Variants in ENTPD6 observed in about 807,000 individuals in gnomAD.
The protein encoded by ENTPD6 is CD39 antigen-like 2.
Under a neutral mutation model 61.5 loss-of-function variants are expected in ENTPD6, and 46 were observed. That is an observed-to-expected ratio of 0.75 (90% CI 0.59 to 0.96). The LOEUF is 0.96. ENTPD6 is among the 40% of genes least tolerant of loss of function. The pLI, the probability that ENTPD6 is intolerant of heterozygous loss-of-function variation, is 0.00. For synonymous variants in ENTPD6, 252 were observed against 255.5 expected, an observed-to-expected ratio of 0.99 and a Z score of 0.13; for missense variants, 612 against 629.0, an observed-to-expected ratio of 0.97 and a Z score of 0.29.
chr20:25,225,712 G>T lies in ENTPD6; in HGVS notation c.*115G>T. On this transcript the variant is annotated 3_prime_UTR_variant, in exon 15 of 15. Transcript: ENST00000376652. ...AGCACAGGCCGTGCTGGCACTTTCT[G>T]CACACTGGCTCTGGGACTTGCAGAA... 1 of 827,864 alleles carries T rather than the reference G, an allele frequency of 1.2e-6. No individual in the cohort carries two copies. The allele number at this position is 827,864 out of a possible 1,614,324, so 51.3% of individuals were successfully genotyped here.
chr20:25,221,001 C>G (rs1055975813), intron 10 of ENTPD6, among the ~76,000 whole-genome samples: 1 of 152,228 alleles, frequency 6.6e-6, no homozygotes, highest in African/African-American at 2.4e-5. Context: ...GTGCCTGGCA[C>G]CCGGCGTGCC....
At chr20:25,220,271 G>T (rs369165066) in intron 10 of ENTPD6, among the ~76,000 whole-genome samples, 1 of 152,222 alleles carries the variant, frequency 6.6e-6, no homozygotes, top group Non-Finnish European at 1.5e-5. Context: ...CAGCACCTCC[G>T]CTGGGGTCCT....
In ENTPD6 at chr20:25,224,073, T is replaced by C. The variant is rs1033740401; in HGVS notation, c.1187-28T>C. The C allele has an allele frequency of 3.1e-6, 5 of 1,607,304 alleles. No individual in the cohort carries two copies. The African/African-American group carries it at 6.7e-5, about 22-fold the overall frequency. On this transcript the variant is annotated intron_variant, in intron 12 of 14. Transcript: ENST00000376652. ...GGCATCGCCAACCTCACAGTGCTCC[T>C]GCAGACTGGGTGTTGTGTCTCCCAC...
chr20:25,196,642 C>T (rs1206722761), intron 1 of ENTPD6, among the ~76,000 whole-genome samples: 1 of 152,184 alleles, frequency 6.6e-6, no homozygotes, highest in Non-Finnish European at 1.5e-5. Flanking sequence ...GCCACACATC[C>T]CACGTCACAC....
chr20:25,220,079 G>C (rs1314157026), intron 10 of ENTPD6, among the ~76,000 whole-genome samples: 1 of 152,196 alleles, frequency 6.6e-6, no homozygotes, highest in Non-Finnish European at 1.5e-5. Flanking sequence ...AAGGTCTCAT[G>C]GTCTCCTCGT....
rs772949313 is a variant in ENTPD6, at chr20:25,215,678, G to A, written c.676G>A (p.Val226Ile). The A allele has an allele frequency of 2.1e-5, 34 of 1,614,064 alleles. No individual in the cohort carries two copies. The highest frequency in any genetic ancestry group is 1.2e-4 in the Admixed American group (7 of 60,012). The change falls in exon 7 of 15, where the codon GTT (valine) becomes ATT (isoleucine). Residue 226 changes from valine (V) to isoleucine (I), a missense_variant and splice_region_variant. By Grantham distance (29) the Val-to-Ile change is conservative. Coordinates refer to ENST00000376652, the MANE Select transcript of ENTPD6 (RefSeq NM_001247.5). The stretch of plus-strand genomic sequence containing the variant: ...ATGCCTGTGACACTCTCTTGCAGGC[G>A]TTTCGGCGTGGATCACCATCAACTT... ...VSIMNGTDEG[V>I]SAWITINFLT... is the part of the protein sequence containing the mutation.
Position 25,217,483 on chromosome 20 carries a change from T to TA in ENTPD6, c.799-18dup, listed in dbSNP as rs747190014. On this transcript the variant is annotated intron_variant, in intron 8 of 14. Transcript: ENST00000376652. The stretch of plus-strand genomic sequence containing the variant: ...TAGAAAGACCAGCAGGAAACATAGT[T>TA]ACCCTCGTTCTTCTCCAGGGCACCC... The TA allele has an allele frequency of 6.8e-6, 11 of 1,611,718 alleles. No individual in the cohort carries two copies. Among genetic ancestry groups the TA allele is most frequent in the Non-Finnish European group, 8.5e-6 (10 of 1,177,856 alleles).
intron 6 of ENTPD6, 124 bp from the exon 7 acceptor site, chr20:25,215,551 TG>T: frequency 1.1e-6 from 1 of 900,014 alleles, no homozygotes; most frequent in Non-Finnish European, 1.8e-6. Flanking sequence ...ATCTGAAGGC[TG>T]GGTGTAGTGC....
intron 4 of ENTPD6, 139 bp from the exon 5 acceptor site, chr20:25,213,124 A>G (rs2092090364): frequency 1.1e-6 from 1 of 913,420 alleles, no homozygotes; most frequent in East Asian, 2.6e-5. Flanking sequence ...AGCTGTGATC[A>G]AGCCACTTCA....
chr20:25,201,206 A>C (rs1334675644), intron 1 of ENTPD6, among the ~76,000 whole-genome samples: 1 of 152,214 alleles, frequency 6.6e-6, no homozygotes, highest in Non-Finnish European at 1.5e-5. Flanking sequence ...TTTAAAATGC[A>C]TTAAGGCCTG....
intron 11 of ENTPD6, 68 bp downstream of exon 11, chr20:25,221,401 TTCCCACA>T: frequency 1.7e-6 from 2 of 1,196,750 alleles, no homozygotes; most frequent in Non-Finnish European, 1.2e-6. Context: ...CCCCTTGCCT[TTCCCACA>T]TCCCATGGGA....
chr20:25,212,558 A>G (rs777630288), intron 4 of ENTPD6, among the ~76,000 whole-genome samples: 6 of 152,176 alleles, frequency 3.9e-5, no homozygotes, highest in Non-Finnish European at 8.8e-5. Flanking sequence ...GAAAAAAAAT[A>G]TTTATAGAAG....
chr20:25,221,409 TC>T, intron 11 of ENTPD6, 76 bp downstream of exon 11: 1 of 1,104,924 alleles, frequency 9.1e-7, no homozygotes, highest in Non-Finnish European at 1.4e-6. Flanking sequence ...CTTTCCCACA[TC>T]CCATGGGACG....
intron 10 of ENTPD6, among the ~76,000 whole-genome samples, chr20:25,219,295 G>A (rs1359454495): frequency 1.3e-5 from 2 of 152,262 alleles, no homozygotes; most frequent in Non-Finnish European, 2.9e-5. Flanking sequence ...CTTTAGGGAT[G>A]TGAAGACAGA....
intron 10 of ENTPD6, 148 bp from the exon 11 acceptor site, chr20:25,221,084 A>G (rs2092614539): frequency 1.6e-6 from 1 of 621,708 alleles, no homozygotes; most frequent in Non-Finnish European, 2.9e-6. Flanking sequence ...GCCACTTCCC[A>G]GGGAGGTGTT....
chr20:25,222,838 C>T lies in ENTPD6; in HGVS notation c.1046C>T (p.Ala349Val), dbSNP rs1348959522. 11 of 1,613,412 alleles carry T rather than the reference C, an allele frequency of 6.8e-6. No individual in the cohort carries two copies. Among genetic ancestry groups the T allele is most frequent in the Middle Eastern group, 1.7e-4 (1 of 5,848 alleles). ...VTYRVSGQKA[A>V]ASLHELCAAR... ...CCGCTAGCCTTGTGCTTGTCCCCAGCGGCAAGCCTGCACGAGCTGTGTGCT... is the reference window on the plus strand; with the variant it reads ...CCGCTAGCCTTGTGCTTGTCCCCAGTGGCAAGCCTGCACGAGCTGTGTGCT... Residue 349 changes from alanine (A) to valine (V), a missense_variant and splice_region_variant, in exon 12 of 15, where the codon GCG becomes GTG. By Grantham distance (64) the Ala-to-Val change is moderately conservative. Coordinates refer to ENST00000376652, the MANE Select transcript of ENTPD6 (RefSeq NM_001247.5).
rs1271951204 is a variant in ENTPD6 at position 25,226,750 on chromosome 20, A to G, written c.*1153A>G. 6.6e-6 allele frequency: 1 copy of G among 152,358 alleles called. No individual in the cohort carries two copies. The highest frequency in any genetic ancestry group is 1.9e-4 in the East Asian group (1 of 5,206). 9.4% of individuals were successfully genotyped at this position (152,358 alleles called of 1,614,324 possible). Reference sequence around the variant, plus strand: ...TCTGGGATTCCTCTCGTTGAGCGACAGTAGCATTTGCCCACCTGGCACCTG... The same window carrying G: ...TCTGGGATTCCTCTCGTTGAGCGACGGTAGCATTTGCCCACCTGGCACCTG... On this transcript the variant is annotated 3_prime_UTR_variant, in exon 15 of 15. Coordinates refer to ENST00000376652, the MANE Select transcript of ENTPD6 (RefSeq NM_001247.5).
intron 4 of ENTPD6, among the ~76,000 whole-genome samples, chr20:25,212,210 C>G (rs1460792735): frequency 6.6e-6 from 1 of 152,252 alleles, no homozygotes; most frequent in African/African-American, 2.4e-5. Context: ...CATGCACACA[C>G]TGACATAGGA....
rs1240895159 is a variant in ENTPD6 at position 25,226,126 on chromosome 20, A to G, written c.*529A>G. 4 of 152,922 alleles carry G rather than the reference A, an allele frequency of 2.6e-5. No homozygotes were observed. In the East Asian group the frequency reaches 5.8e-4, roughly 22 times the overall value. The allele number at this position is 152,922 out of a possible 1,614,324, so 9.5% of individuals were successfully genotyped here. On this transcript the variant is annotated 3_prime_UTR_variant, in exon 15 of 15. Transcript: ENST00000376652. ...TGGGCGGCACCACTGGGAACTCTGGACTTGAGTGTGTTTGCCTCTTCCTTG... is the reference window on the plus strand; with the variant it reads ...TGGGCGGCACCACTGGGAACTCTGGGCTTGAGTGTGTTTGCCTCTTCCTTG...
Sources: allele counts gnomAD v4.1 joint callset (sites outside exome capture counted in the v4.1 genomes callset), GRCh38; gene constraint gnomAD v4.1.1; transcripts MANE v1.5; gene names NCBI Gene and HGNC (gene_info 2026-07-23, HGNC 2026-07-21).